Variants in OTOA observed in about 807,000 individuals in gnomAD.
The protein encoded by OTOA is otoancorin.
In OTOA, 70 loss-of-function variants were observed where a neutral mutation model predicts 110.8. That is an observed-to-expected ratio of 0.63 (90% confidence interval 0.52 to 0.77). The LOEUF is 0.77. Among genes scored for constraint, OTOA ranks in the 30% least tolerant of loss-of-function variants. The pLI, the probability that OTOA is intolerant of heterozygous loss-of-function variation, is 0.00. For synonymous variants in OTOA, 373 were observed against 431.5 expected (o/e 0.86, Z 1.68); for missense variants, 917 against 1,075.8 (o/e 0.85, Z 2.06).
chr16:21,737,360 G>A (rs1361294801), intron 22 of OTOA, among the ~76,000 whole-genome samples: 1 of 152,298 alleles, frequency 6.6e-6, no homozygotes, highest in Non-Finnish European at 1.5e-5. Flanking sequence ...GACTAGCTGG[G>A]ATTATAGGCA....
At chr16:21,723,586 G>A (rs1355270110) in intron 18 of OTOA, among the ~76,000 whole-genome samples, 3 of 152,126 alleles carry the variant, frequency 2.0e-5, no homozygotes, top group African/African-American at 7.2e-5. Flanking sequence ...CAAACATGAA[G>A]CCAATTATAT....
chr16:21,731,001 G>A, intron 21 of OTOA, 71 bp downstream of exon 21: 1 of 883,812 alleles, frequency 1.1e-6, no homozygotes, highest in Non-Finnish European at 1.9e-6. Flanking sequence ...CAGTTATACA[G>A]CATTGGGTTT....
Position 21,691,665 on chromosome 16 carries a change from G to A in OTOA, c.717G>A (p.Leu239=). The change falls in exon 9 of 29, where the codon CTG becomes CTA. Residue 239 remains leucine, a synonymous_variant. Coordinates refer to ENST00000646100, the MANE Select transcript of OTOA (RefSeq NM_144672.4). ...TCTATTCCTGGATGACTGGAATACT[G>A]CAGACATCCTCCAATGCCACTGGTG... ...RALYSWMTGI[L]QTSSNATDDS... is the part of the protein sequence containing the mutation. 6.2e-7 allele frequency: 1 copy of A among 1,613,756 alleles called. No individual in the cohort carries two copies.
In OTOA at chr16:21,680,140, T is replaced by G. The variant is rs142271874; in HGVS notation, c.179+929T>G. 1.5e-3 allele frequency among the ~76,000 whole-genome samples: 234 copies of G among 152,234 alleles called. 1 individual carries two copies. The highest frequency in any genetic ancestry group is 5.3e-3 in the African/African-American group (222 of 41,530). ...CTAAGATAACACCAATGGGTACTTTTGGATATATTCTTTCAGTCTAAGTAT... is the reference window on the plus strand; with the variant it reads ...CTAAGATAACACCAATGGGTACTTTGGGATATATTCTTTCAGTCTAAGTAT... On this transcript the variant is annotated intron_variant, in intron 5 of 28. Coordinates refer to ENST00000646100, the MANE Select transcript of OTOA (RefSeq NM_144672.4).
chr16:21,694,949 C>T (rs1897901838), intron 9 of OTOA, among the ~76,000 whole-genome samples: 1 of 152,112 alleles, frequency 6.6e-6, no homozygotes, highest in African/African-American at 2.4e-5. Context: ...TCTTTATTGC[C>T]AGAGTTTAAT....
rs907970875 is a variant in OTOA at position 21,697,828 on chromosome 16, A to G, written c.793A>G (p.Met265Val). The change falls in exon 10 of 29, where the codon ATG becomes GTG. Residue 265 changes from methionine to valine, a missense_variant. Met to Val is a conservative substitution (Grantham distance 21, BLOSUM62 1). This residue lies in a region of OTOA where 840 missense variants were observed against 910.2 expected (regional missense o/e 0.92). Coordinates refer to ENST00000646100, the MANE Select transcript of OTOA (RefSeq NM_144672.4). Reference protein sequence around the residue: ...AEHLWVLGRYMVHLSFEEITK... With the variant: ...AEHLWVLGRYVVHLSFEEITK... ...ACACTTATGGGTTTTGGGCAGATAC[A>G]TGGTTCACCTATCGTTTGAAGAAAT... is the stretch of plus-strand genomic sequence containing the variant. 1 of 1,614,012 alleles carries G rather than the reference A, an allele frequency of 6.2e-7. No individual in the cohort carries two copies.
intron 17 of OTOA, among the ~76,000 whole-genome samples, chr16:21,721,124 A>G (rs1201775345): frequency 6.6e-6 from 1 of 151,452 alleles, no homozygotes; most frequent in Non-Finnish European, 1.5e-5. Context: ...CATGTTGGCC[A>G]GGCTGGTCTT....
chr16:21,715,033 G>T lies in OTOA; in HGVS notation c.1369G>T (p.Val457Phe), dbSNP rs759730190. The T allele has an allele frequency of 3.1e-6, 5 of 1,614,180 alleles. No homozygotes were observed. The highest frequency in any genetic ancestry group is 3.4e-6 in the Non-Finnish European group (4 of 1,180,016). Residue 457 changes from valine (V) to phenylalanine (F), a missense_variant, in exon 14 of 29, where the codon GTC (valine) becomes TTC (phenylalanine). Coordinates refer to ENST00000646100, the MANE Select transcript of OTOA (RefSeq NM_144672.4). ...CCAGATGGGCGCACTGCTGGCTGGGGTCAGCACCCAGGCCTTCTGCAGCAT... is the reference window on the plus strand; with the variant it reads ...CCAGATGGGCGCACTGCTGGCTGGGTTCAGCACCCAGGCCTTCTGCAGCAT... The part of the protein sequence containing the change: ...VSQMGALLAG[V>F]STQAFCSMKR...
intron 7 of OTOA, among the ~76,000 whole-genome samples, chr16:21,686,591 C>A (rs1897715832): frequency 6.6e-6 from 1 of 152,108 alleles, no homozygotes; most frequent in Admixed American, 6.5e-5. Flanking sequence ...CTGTTCCAGG[C>A]CAATCAGTCC....
intron 8 of OTOA, among the ~76,000 whole-genome samples, chr16:21,691,265 A>G (rs190552018): frequency 8.0e-4 from 122 of 152,238 alleles, no homozygotes; most frequent in African/African-American, 2.9e-3. Context: ...GAATAGTGCC[A>G]CAATAAACAT....
chr16:21,698,690 C>T (rs1897991856), intron 10 of OTOA, among the ~76,000 whole-genome samples: 1 of 152,142 alleles, frequency 6.6e-6, no homozygotes, highest in Non-Finnish European at 1.5e-5. Context: ...AGCTTTCTCT[C>T]TTTTACCTAG....
intron 8 of OTOA, among the ~76,000 whole-genome samples, chr16:21,689,463 G>C (rs533450276): frequency 6.6e-6 from 1 of 152,204 alleles, no homozygotes; most frequent in South Asian, 2.1e-4. Context: ...AGAGTTTATT[G>C]GTTACTGCTC....
chr16:21,694,660 A>T (rs1567371913), intron 9 of OTOA, among the ~76,000 whole-genome samples: 1 of 152,244 alleles, frequency 6.6e-6, no homozygotes, highest in Non-Finnish European at 1.5e-5. Flanking sequence ...CATCCCAGAG[A>T]GAAATCCCAG....
intron 28 of OTOA, among the ~76,000 whole-genome samples, chr16:21,760,233 G>A (rs534043508): frequency 5.3e-5 from 8 of 151,978 alleles, no homozygotes; most frequent in Admixed American, 1.3e-4. Flanking sequence ...AGGGGATCCT[G>A]GAATTGGTGT....
At chr16:21,688,847 A>G (rs897742361) in intron 8 of OTOA, among the ~76,000 whole-genome samples, 3 of 152,228 alleles carry the variant, frequency 2.0e-5, no homozygotes, top group Admixed American at 1.3e-4. Flanking sequence ...GGGAAACGCA[A>G]ACATTCAGTC....
At chr16:21,727,012 G>GTT (rs543449382) in intron 19 of OTOA, 2,214 of 143,452 alleles carry the variant, frequency 0.015, 1 homozygote, top group South Asian at 0.044. Flanking sequence ...CCCCCTTAGA[G>GTT]TTTTTTTTTT....
chr16:21,687,476 G>A lies in OTOA; in HGVS notation c.463G>A (p.Val155Met), dbSNP rs753063121. 7.4e-6 allele frequency: 12 copies of A among 1,614,038 alleles called. No individual in the cohort carries two copies. Among genetic ancestry groups the A allele is most frequent in the South Asian group, 2.2e-5 (2 of 91,078 alleles). The change falls in exon 8 of 29, where the codon GTG becomes ATG. Residue 155 changes from valine (V) to methionine (M), a missense_variant. Around this residue, in one of 6 missense-constraint regions of OTOA, gnomAD observed 840 missense variants for 910.2 expected, o/e 0.92. Transcript: ENST00000646100. ...IRERALQSPG[V>M]NRSLFLITLE... ...AGAACGAGCCTTGCAGAGCCCTGGCGTGAACCGCAGCCTGTTTCTCATCAC... is the reference window on the plus strand; with the variant it reads ...AGAACGAGCCTTGCAGAGCCCTGGCATGAACCGCAGCCTGTTTCTCATCAC...
intron 13 of OTOA, among the ~76,000 whole-genome samples, chr16:21,714,448 C>CTT (rs1898480016): frequency 1.1e-5 from 1 of 87,178 alleles, no homozygotes; most frequent in South Asian, 4.1e-4. Context: ...TTCTTTCTTT[C>CTT]TCTCTCTCTC....
chr16:21,678,577 G>A lies in OTOA; in HGVS notation c.63G>A (p.Ser21=), dbSNP rs780990149. Residue 21 remains serine (S), a synonymous_variant, in exon 2 of 29, where the codon TCG becomes TCA. Transcript: ENST00000646100. ...FLFLFLSHGV[S]SYTVPNSRQD... ...TCCTTTTTCTGAGCCATGGAGTGTC[G>A]AGTTATACAGTGCCAAATTCCAGGC... The A allele has an allele frequency of 3.0e-5, 48 of 1,613,730 alleles. No individual in the cohort carries two copies. Among genetic ancestry groups the A allele is most frequent in the African/African-American group, 6.7e-5 (5 of 74,820 alleles).
Sources: allele counts gnomAD v4.1 joint callset (sites outside exome capture counted in the v4.1 genomes callset), GRCh38; gene constraint gnomAD v4.1.1; regional missense constraint gnomAD v4.1.1; transcripts MANE v1.5; gene names NCBI Gene and HGNC (gene_info 2026-07-23, HGNC 2026-07-21).